Variants in PDE1C observed in about 807,000 individuals in gnomAD.
PDE1C encodes the protein dual specificity calcium/calmodulin-dependent 3',5'-cyclic nucleotide phosphodiesterase 1C.
In PDE1C, 62 loss-of-function variants were observed where a neutral mutation model predicts 93.1. That is an observed-to-expected ratio of 0.67 (90% CI 0.54 to 0.82). The LOEUF (loss-of-function observed/expected upper bound fraction) is 0.82. Among genes scored for constraint, PDE1C ranks in the 40% least tolerant of loss-of-function variants. PDE1C has a pLI of 0.00. For missense variants in PDE1C, 742 were observed against 884.6 expected (o/e 0.84, Z 2.04); for synonymous variants, 325 against 310.1 (o/e 1.05, Z -0.50).
intron 2 of PDE1C, among the ~76,000 whole-genome samples, chr7:32,025,996 G>T (rs1489215497): frequency 6.6e-6 from 1 of 152,076 alleles, no homozygotes; most frequent in Non-Finnish European, 1.5e-5. Flanking sequence ...TACACAAGCT[G>T]CTATCAGAAA....
chr7:31,666,655 G>A, the PDE1C span, among the ~76,000 whole-genome samples: 8 of 152,262 alleles, frequency 5.3e-5, 1 homozygote, highest in Admixed American at 4.6e-4. Context: ...CCTTTATGGT[G>A]TAGAGTTCTA....
chr7:32,062,520 A>G (rs1584659765), intron 1 of PDE1C, among the ~76,000 whole-genome samples: 1 of 151,872 alleles, frequency 6.6e-6, no homozygotes, highest in Non-Finnish European at 1.5e-5. Flanking sequence ...CGCTTCCCTA[A>G]CTCTACTTAA....
intron 1 of PDE1C, among the ~76,000 whole-genome samples, chr7:32,052,092 C>T (rs1178107723): frequency 1.3e-5 from 2 of 152,066 alleles, no homozygotes; most frequent in Non-Finnish European, 2.9e-5. Context: ...TAAGGATGTG[C>T]CTTTTTAAAT....
intron 1 of PDE1C, among the ~76,000 whole-genome samples, chr7:32,213,169 T>C (rs528967920): frequency 6.6e-6 from 1 of 152,340 alleles, no homozygotes; most frequent in Non-Finnish European, 1.5e-5. Flanking sequence ...AGGTGTGTTT[T>C]GTTTGGTCTC....
intron 1 of PDE1C, among the ~76,000 whole-genome samples, chr7:32,282,485 A>AATAGATAGATAGATAG (rs1554300214): frequency 0.033 from 4,692 of 143,890 alleles, 199 homozygotes; most frequent in African/African-American, 0.091. Context: ...TCAAAAAAAA[A>AATAGATAGATAGATAG]ATAGATAGAT....
At chr7:32,034,226 A>G (rs1557976) in intron 2 of PDE1C, among the ~76,000 whole-genome samples, 46,081 of 152,020 alleles carry the variant, frequency 0.3, 8,474 homozygotes, top group African/African-American at 0.52. Context: ...TCCTTCATGA[A>G]CTTCTAAAAG....
At chr7:32,040,536 T>C (rs1791682283) in intron 2 of PDE1C, among the ~76,000 whole-genome samples, 1 of 152,144 alleles carries the variant, frequency 6.6e-6, no homozygotes, top group Non-Finnish European at 1.5e-5. Flanking sequence ...ACCACTGGCT[T>C]AGAGAAATAA....
intron 16 of PDE1C, among the ~76,000 whole-genome samples, chr7:31,791,500 T>C (rs962452288): frequency 1.3e-5 from 2 of 152,156 alleles, no homozygotes; most frequent in African/African-American, 4.8e-5. Context: ...TTGCAATACA[T>C]GACTTTGTCC....
chr7:32,179,433 G>C (rs1198295050), intron 2 of PDE1C, among the ~76,000 whole-genome samples: 1 of 151,992 alleles, frequency 6.6e-6, no homozygotes, highest in Non-Finnish European at 1.5e-5. Flanking sequence ...GCTAATTTTT[G>C]TATTTTTAGT....
At chr7:32,232,817 G>A (rs12701194) in intron 1 of PDE1C, among the ~76,000 whole-genome samples, 64,910 of 151,990 alleles carry the variant, frequency 0.43, 15,057 homozygotes, top group African/African-American at 0.61. Context: ...AGCACAGAAA[G>A]GGCTTTGAAA....
intron 1 of PDE1C, among the ~76,000 whole-genome samples, chr7:32,212,112 A>T (rs957416480): frequency 1.3e-5 from 2 of 152,176 alleles, no homozygotes; most frequent in Non-Finnish European, 1.5e-5. Context: ...CAGAAACTTT[A>T]AAATGACATT....
At chr7:32,384,509 G>A (rs553561241) in intron 1 of PDE1C, among the ~76,000 whole-genome samples, 3 of 152,286 alleles carry the variant, frequency 2.0e-5, no homozygotes, top group African/African-American at 7.2e-5. Flanking sequence ...GAAAGAATAT[G>A]CCAGGCAGAA....
chr7:31,962,706 C>T (rs1054685081), intron 2 of PDE1C, among the ~76,000 whole-genome samples: 13 of 152,078 alleles, frequency 8.5e-5, no homozygotes, highest in African/African-American at 2.9e-4. Flanking sequence ...CAGAACATCA[C>T]CAAAGTAGCA....
chr7:31,780,032 T>C (rs1196925585), intron 16 of PDE1C, among the ~76,000 whole-genome samples: 1 of 152,210 alleles, frequency 6.6e-6, no homozygotes, highest in Non-Finnish European at 1.5e-5. Context: ...GGATTCATTG[T>C]AGAAATCTAC....
intron 1 of PDE1C, among the ~76,000 whole-genome samples, chr7:32,415,280 G>A (rs7782203): frequency 0.18 from 27,156 of 151,942 alleles, 5,197 homozygotes; most frequent in African/African-American, 0.48. Context: ...GCGAAACCCA[G>A]TATCCACTAA....
At chr7:32,217,988 T>C (rs1806551500) in intron 1 of PDE1C, among the ~76,000 whole-genome samples, 1 of 152,194 alleles carries the variant, frequency 6.6e-6, no homozygotes, top group Admixed American at 6.5e-5. Flanking sequence ...ACATAGAAGA[T>C]GGGACTACCT....
At chr7:32,193,946 A>C in intron 2 of PDE1C, among the ~76,000 whole-genome samples, 1 of 123,100 alleles carries the variant, frequency 8.1e-6, no homozygotes, top group East Asian at 2.3e-4. Context: ...ACGGAGTCTC[A>C]CTCTGTCGCC....
intron 1 of PDE1C, among the ~76,000 whole-genome samples, chr7:32,051,918 C>CT (rs751575143): frequency 6.6e-6 from 1 of 152,144 alleles, no homozygotes; most frequent in Non-Finnish European, 1.5e-5. Context: ...TCAGTCCTTC[C>CT]TTTACCAGGT....
chr7:32,382,445 G>A (rs981990213), intron 1 of PDE1C, among the ~76,000 whole-genome samples: 2 of 152,136 alleles, frequency 1.3e-5, no homozygotes, highest in African/African-American at 2.4e-5. Flanking sequence ...TCCTGCCAGA[G>A]CTCTCTCCAG....
Sources: allele counts gnomAD v4.1 joint callset (sites outside exome capture counted in the v4.1 genomes callset), GRCh38; gene constraint gnomAD v4.1.1; transcripts MANE v1.5; gene names NCBI Gene and HGNC (gene_info 2026-07-23, HGNC 2026-07-21).